The following SLC7A13 variants were observed in gnomAD, a reference collection of about 807,000 sequenced individuals.
SLC7A13 encodes the protein X-amino acid transporter 2.
Under a neutral mutation model 32.0 loss-of-function variants are expected in SLC7A13, and 31 were observed. The ratio of observed to expected loss-of-function variants is 0.97; its 90% CI spans 0.73 to 1.31. The LOEUF (loss-of-function observed/expected upper bound fraction) is 1.31, where lower values mean the gene tolerates loss of function less well. SLC7A13 is among the 50% of genes most tolerant of loss of function. SLC7A13 has a pLI of 0.00. For synonymous variants in SLC7A13, 232 were observed against 206.9 expected (o/e 1.12, Z -1.04); for missense variants, 633 against 546.9 (o/e 1.16, Z -1.57).
intron 1 of SLC7A13, among the ~76,000 whole-genome samples, chr8:86,225,085 A>G (rs950935393): frequency 9.2e-5 from 14 of 152,198 alleles, no homozygotes; most frequent in African/African-American, 3.4e-4. Context: ...CTTAAAATAT[A>G]GCATTATCCT....
intron 2 of SLC7A13, among the ~76,000 whole-genome samples, chr8:86,221,287 T>C (rs1179680777): frequency 6.6e-6 from 1 of 152,080 alleles, no homozygotes; most frequent in South Asian, 2.1e-4. Context: ...TTCCCATAAA[T>C]TTTTTATTTG....
intron 2 of SLC7A13, among the ~76,000 whole-genome samples, chr8:86,222,398 C>T (rs189480962): frequency 1.3e-5 from 2 of 151,964 alleles, no homozygotes; most frequent in East Asian, 3.9e-4. Flanking sequence ...TTCTTTTATT[C>T]TTTATTCTAC....
At chr8:86,228,132 A>G (rs1820420039) in intron 1 of SLC7A13, among the ~76,000 whole-genome samples, 1 of 152,204 alleles carries the variant, frequency 6.6e-6, no homozygotes, top group Non-Finnish European at 1.5e-5. Flanking sequence ...GGCAAAATCC[A>G]GCACTTGTTG....
At chr8:86,221,508 A>G (rs552996651) in intron 2 of SLC7A13, among the ~76,000 whole-genome samples, 178 of 152,222 alleles carry the variant, frequency 1.2e-3, no homozygotes, top group African/African-American at 4.2e-3. Context: ...GTACATGTGC[A>G]CATTGTGCAG....
intron 3 of SLC7A13, among the ~76,000 whole-genome samples, chr8:86,215,182 T>C (rs749419023): frequency 3.3e-5 from 5 of 152,198 alleles, no homozygotes; most frequent in African/African-American, 4.8e-5. Context: ...GTTTTTGCTT[T>C]GCCAAAAGCC....
At chr8:86,218,729 A>G (rs909611045) in intron 2 of SLC7A13, among the ~76,000 whole-genome samples, 7 of 152,082 alleles carry the variant, frequency 4.6e-5, no homozygotes, top group Non-Finnish European at 7.4e-5. Context: ...AACAAAACAC[A>G]ACTGTGAAGA....
chr8:86,215,145 A>G (rs951549158), intron 3 of SLC7A13, among the ~76,000 whole-genome samples: 3 of 152,152 alleles, frequency 2.0e-5, no homozygotes, highest in African/African-American at 7.2e-5. Flanking sequence ...AATTTTAGCT[A>G]AAACAATTTT....
At chr8:86,223,176 T>A in intron 1 of SLC7A13, 73 bp from the exon 2 acceptor site, 1 of 1,385,868 alleles carries the variant, frequency 7.2e-7, no homozygotes, top group Non-Finnish European at 9.6e-7. Flanking sequence ...TAGATTATTA[T>A]TTTTGTATTT....
At position 86,217,837 on chromosome 8, in the gene SLC7A13, G is replaced by A. The variant is rs765483912; in HGVS notation, c.818-6C>T. ...CCATGTGATAGCTACAGCATCTGCAGAAAAACAAAAATACACAAAAGAAAA... is the reference window on the plus strand; with the variant it reads ...CCATGTGATAGCTACAGCATCTGCAAAAAAACAAAAATACACAAAAGAAAA... On this transcript the variant is annotated splice_region_variant and splice_polypyrimidine_tract_variant and intron_variant, in intron 2 of 3. Coordinates refer to ENST00000297524, the MANE Select transcript of SLC7A13 (RefSeq NM_138817.3). The A allele has an allele frequency of 6.7e-7, 1 of 1,491,772 alleles. No individual in the cohort carries two copies. Among genetic ancestry groups the A allele is most frequent in the Non-Finnish European group, 8.9e-7 (1 of 1,122,674 alleles). 92.4% of individuals were successfully genotyped at this position (1,491,772 alleles called of 1,614,324 possible).
intron 1 of SLC7A13, among the ~76,000 whole-genome samples, chr8:86,224,581 T>A (rs1350848667): frequency 6.6e-6 from 1 of 152,180 alleles, no homozygotes; most frequent in African/African-American, 2.4e-5. Flanking sequence ...ACAGTTTTAT[T>A]TTTAAATATT....
chr8:86,226,804 T>C (rs921456156), intron 1 of SLC7A13, among the ~76,000 whole-genome samples: 1 of 152,228 alleles, frequency 6.6e-6, no homozygotes, highest in Non-Finnish European at 1.5e-5. Context: ...CTACACTGCA[T>C]GCTTCTATTC....
Position 86,230,113 on chromosome 8 carries a change from G to A in SLC7A13, c.165C>T (p.Gly55=), listed in dbSNP as rs1268209392. 3 of 1,614,164 alleles carry A rather than the reference G, an allele frequency of 1.9e-6. No individual in the cohort carries two copies. Among genetic ancestry groups the A allele is most frequent in the Non-Finnish European group, 2.5e-6 (3 of 1,180,026 alleles). Residue 55 remains glycine, a synonymous_variant, in exon 1 of 4, where the codon GGC becomes GGT. Coordinates refer to ENST00000297524, the MANE Select transcript of SLC7A13 (RefSeq NM_138817.3). ...TTGATGTCATGGCCAGTATGGCACA[G>A]CCAGCCCAAACGCACAGGGAGACTC... ...NVGVSLCVWA[G]CAILAMTSTL...
chr8:86,229,226 A>G (rs1820441148), intron 1 of SLC7A13, among the ~76,000 whole-genome samples: 1 of 151,410 alleles, frequency 6.6e-6, no homozygotes. Flanking sequence ...CCTACCTACA[A>G]CACAAACATA....
intron 1 of SLC7A13, among the ~76,000 whole-genome samples, chr8:86,227,805 A>G (rs895386490): frequency 6.6e-6 from 1 of 152,326 alleles, no homozygotes; most frequent in Non-Finnish European, 1.5e-5. Flanking sequence ...ATGCAACTAG[A>G]GACCATCATC....
rs776716053 is a variant in SLC7A13 at position 86,217,826 on chromosome 8, C to T, written c.823G>A (p.Val275Ile). The change falls in exon 3 of 4, where the codon GTA becomes ATA. Residue 275 changes from valine to isoleucine, a missense_variant. By Grantham distance (29) the Val-to-Ile change is conservative. Transcript: ENST00000297524. ...TPREILSSDA[V>I]AITWADRAFP... The stretch of plus-strand genomic sequence containing the variant: ...GCTCGATCAGCCCATGTGATAGCTA[C>T]AGCATCTGCAGAAAAACAAAAATAC... 20 of 1,518,650 alleles carry T rather than the reference C, an allele frequency of 1.3e-5. No individual in the cohort carries two copies. Among genetic ancestry groups the T allele is most frequent in the Admixed American group, 1.2e-4 (5 of 41,746 alleles). The allele number at this position is 1,518,650 out of a possible 1,614,324, so 94.1% of individuals were successfully genotyped here. A position where few individuals can be genotyped will look rare whatever the true frequency, so the allele number is the denominator to read the frequency against.
At chr8:86,228,367 T>C (rs115563326) in intron 1 of SLC7A13, among the ~76,000 whole-genome samples, 48 of 152,232 alleles carry the variant, frequency 3.2e-4, no homozygotes, top group African/African-American at 1.1e-3. Flanking sequence ...TTGGCTAATT[T>C]ATTAGTTATT....
At chr8:86,229,021 G>A (rs1259217329) in intron 1 of SLC7A13, among the ~76,000 whole-genome samples, 1 of 152,056 alleles carries the variant, frequency 6.6e-6, no homozygotes, top group African/African-American at 2.4e-5. Flanking sequence ...GCTGTAGGGT[G>A]ACTGCTTTTA....
At chr8:86,215,621 G>A (rs1410911659) in intron 3 of SLC7A13, 5 of 417,812 alleles carry the variant, frequency 1.2e-5, no homozygotes, top group Non-Finnish European at 2.4e-5. Context: ...AGGAAGCAGA[G>A]GTTGCAGCAA....
chr8:86,220,373 C>T (rs1172774505), intron 2 of SLC7A13, among the ~76,000 whole-genome samples: 2 of 152,138 alleles, frequency 1.3e-5, no homozygotes, highest in Non-Finnish European at 2.9e-5. Context: ...GAAGAACACC[C>T]TTCCCTTCTC....
Sources: gnomAD v4.1 joint callset for allele counts (sites outside exome capture counted in the v4.1 genomes callset) on GRCh38, gnomAD v4.1.1 for gene constraint, MANE v1.5 for transcripts, NCBI Gene and HGNC (gene_info 2026-07-23, HGNC 2026-07-21) for gene names.